KIRREL3: variants seen among roughly 807,000 people sequenced by gnomAD.
KIRREL3 encodes kirre like nephrin family adhesion molecule 3.
KIRREL3 carries 36 observed loss-of-function variants against 89.7 expected under a neutral mutation model. That is an observed-to-expected ratio of 0.40 (90% CI 0.31 to 0.53). KIRREL3 has a LOEUF of 0.53. Among genes scored for constraint, KIRREL3 ranks in the 20% least tolerant of loss-of-function variants. The pLI, the probability that KIRREL3 is intolerant of heterozygous loss-of-function variation, is 0.49. For missense variants in KIRREL3, 864 were observed against 1,056.6 expected, an observed-to-expected ratio of 0.82 and a Z score of 2.53; for synonymous variants, 445 against 441.4, an observed-to-expected ratio of 1.01 and a Z score of -0.10.
rs1218977027 is a variant in KIRREL3, at chr11:126,682,017, A to C, written c.56-119105T>G. On this transcript the variant is annotated intron_variant, in intron 1 of 16. Coordinates refer to ENST00000525144, the MANE Select transcript of KIRREL3 (RefSeq NM_032531.4). This position sits in a 1 kb window ranked among gnomAD's most constrained non-coding sequence, Gnocchi z 4.8. ...TCAGGAGACCAGATGTCAAGACTGG[A>C]CTACATCTTTATATTCATTTCCAGA... The C allele has an allele frequency of 2.7e-6, 1 of 373,236 alleles. No individual in the cohort carries two copies. The highest frequency in any genetic ancestry group is 3.4e-5 in the Admixed American group (1 of 29,294). 23.1% of individuals were successfully genotyped at this position (373,236 alleles called of 1,614,324 possible).
chr11:126,463,248 A>C lies in KIRREL3; in HGVS notation c.651T>G (p.Gly217=). 2 of 1,613,840 alleles carry C rather than the reference A, an allele frequency of 1.2e-6. No individual in the cohort carries two copies. Among genetic ancestry groups the C allele is most frequent in the Non-Finnish European group, 1.7e-6 (2 of 1,179,802 alleles). Residue 217 remains glycine, a synonymous_variant, in exon 6 of 17, where the codon GGT becomes GGG. Coordinates refer to ENST00000525144, the MANE Select transcript of KIRREL3 (RefSeq NM_032531.4). The surrounding 1 kb of genome is among the most constrained non-coding windows in gnomAD (Gnocchi z 5.9). ...SIVSTLFISP[G]DVENGQSIVC... ...CGATGCTCTGGCCATTCTCCACGTCACCAGGGGAGATGAAGAGGGTGCTGA... is the reference window on the plus strand; with the variant it reads ...CGATGCTCTGGCCATTCTCCACGTCCCCAGGGGAGATGAAGAGGGTGCTGA...
chr11:126,692,974 G>A (rs1364857546), intron 1 of KIRREL3, among the ~76,000 whole-genome samples: 1 of 152,220 alleles, frequency 6.6e-6, no homozygotes, highest in Non-Finnish European at 1.5e-5. Flanking sequence ...TGGTGGAAGC[G>A]AGGCTGTGCT....
chr11:126,592,265 G>T (rs964173824), intron 1 of KIRREL3, among the ~76,000 whole-genome samples: 1 of 152,104 alleles, frequency 6.6e-6, no homozygotes, highest in Non-Finnish European at 1.5e-5. Flanking sequence ...AGGTATCATT[G>T]TTCCCTTTAT....
At chr11:126,951,620 C>T (rs1299136320) in intron 1 of KIRREL3, among the ~76,000 whole-genome samples, 1 of 152,116 alleles carries the variant, frequency 6.6e-6, no homozygotes, top group African/African-American at 2.4e-5. Context: ...GGCTGAGGCC[C>T]CAATGAGAAA....
intron 1 of KIRREL3, among the ~76,000 whole-genome samples, chr11:126,672,491 G>A (rs1945999950): frequency 6.6e-6 from 1 of 152,172 alleles, no homozygotes; most frequent in South Asian, 2.1e-4. Context: ...CATATTGAAT[G>A]ATTCCATTTA....
At chr11:126,437,981 CCCACA>C (rs1160710351) in intron 11 of KIRREL3, among the ~76,000 whole-genome samples, 3 of 152,212 alleles carry the variant, frequency 2.0e-5, no homozygotes, top group Non-Finnish European at 2.9e-5. Flanking sequence ...CGGTAACACA[CCCACA>C]CCACACATGT....
Position 126,744,955 on chromosome 11 carries a change from T to A in KIRREL3, c.56-182043A>T, listed in dbSNP as rs1949096352. On this transcript the variant is annotated intron_variant, in intron 1 of 16. Coordinates refer to ENST00000525144, the MANE Select transcript of KIRREL3 (RefSeq NM_032531.4). This position sits in a 1 kb window ranked among gnomAD's most constrained non-coding sequence, Gnocchi z 4.7. ...GAAGTTGACTCACTTTCAGACACAT[T>A]AGGTTGGAGGTGATGCGAACTGTCT... is the stretch of plus-strand genomic sequence containing the variant. Among the ~76,000 whole-genome samples the A allele has an allele frequency of 3.9e-5, 6 of 151,946 alleles. No individual in the cohort carries two copies. The highest frequency in any genetic ancestry group is 3.9e-4 in the Admixed American group (6 of 15,278).
rs1040502550 is a variant in KIRREL3 at position 126,651,670 on chromosome 11, A to C, written c.56-88758T>G. 6.6e-6 allele frequency among the ~76,000 whole-genome samples: 1 copy of C among 152,232 alleles called. No individual in the cohort carries two copies. The highest frequency in any genetic ancestry group is 1.5e-5 in the Non-Finnish European group (1 of 68,038). ...ATTTGTGGGTATTATGGAGATATTA[A>C]TTCCATATGAAACCTCACAATTCAT... is the stretch of plus-strand genomic sequence containing the variant. On this transcript the variant is annotated intron_variant, in intron 1 of 16. Coordinates refer to ENST00000525144, the MANE Select transcript of KIRREL3 (RefSeq NM_032531.4). This position sits in a 1 kb window ranked among gnomAD's most constrained non-coding sequence, Gnocchi z 4.6.
chr11:126,570,828 C>A lies in KIRREL3; in HGVS notation c.56-7916G>T, dbSNP rs937910151. Among the ~76,000 whole-genome samples, 1 of 152,202 alleles carries A rather than the reference C, an allele frequency of 6.6e-6. No homozygotes were observed. The highest frequency in any genetic ancestry group is 1.9e-4 in the East Asian group (1 of 5,200). The stretch of plus-strand genomic sequence containing the variant: ...TCTACATGCCCATGTGGTCATCTAT[C>A]CTTCGGCTTCTCCAAATCTCTGCTC... On this transcript the variant is annotated intron_variant, in intron 1 of 16. Coordinates refer to ENST00000525144, the MANE Select transcript of KIRREL3 (RefSeq NM_032531.4). The surrounding 1 kb of genome is among the most constrained non-coding windows in gnomAD (Gnocchi z 6.1).
rs528641246 is a variant in KIRREL3 at position 126,871,051 on chromosome 11, G to A, written c.55+129404C>T. Among the ~76,000 whole-genome samples the A allele has an allele frequency of 8.3e-4, 127 of 152,290 alleles. 1 individual carries two copies. Among genetic ancestry groups the A allele is most frequent in the African/African-American group, 2.7e-3 (113 of 41,572 alleles). On this transcript the variant is annotated intron_variant, in intron 1 of 16. Transcript: ENST00000525144. ...AGGAGCAGACATCAAGAGCATCCAC[G>A]GAGCCTCTTTTGATGAAAGGAGCAG...
rs547535353 is a variant in KIRREL3, at chr11:126,557,742, C to T, written c.133+5093G>A. 1.3e-5 allele frequency among the ~76,000 whole-genome samples: 2 copies of T among 152,334 alleles called. No homozygotes were observed. The highest frequency in any genetic ancestry group is 4.1e-4 in the South Asian group (2 of 4,820). ...ATGAGATTCTCAACCTCCCAGGGCT[C>T]TGACTCCCCTGTAAGGCTGGGAAGT... On this transcript the variant is annotated intron_variant, in intron 2 of 16. Transcript: ENST00000525144. The surrounding 1 kb of genome is among the most constrained non-coding windows in gnomAD (Gnocchi z 5.6).
intron 1 of KIRREL3, among the ~76,000 whole-genome samples, chr11:126,603,057 C>T (rs1026091796): frequency 6.6e-6 from 1 of 152,106 alleles, no homozygotes; most frequent in Non-Finnish European, 1.5e-5. Context: ...CCAAGTTCAC[C>T]CACCGTCACC....
At chr11:126,711,255 C>T (rs1369539730) in intron 1 of KIRREL3, among the ~76,000 whole-genome samples, 9 of 152,184 alleles carry the variant, frequency 5.9e-5, no homozygotes, top group Non-Finnish European at 8.8e-5. Context: ...AGCACATAAC[C>T]GCCTAAGTTT....
In KIRREL3 at chr11:126,508,717, G is replaced by A. The variant is rs528611199; in HGVS notation, c.433+12598C>T. The stretch of plus-strand genomic sequence containing the variant: ...CAGAAGCGACTGCATTCAGATTCTC[G>A]TTCTTTACCTTTCTTGTGTGTGACC... On this transcript the variant is annotated intron_variant, in intron 4 of 16. Transcript: ENST00000525144. This position sits in a 1 kb window ranked among gnomAD's most constrained non-coding sequence, Gnocchi z 4.9. Among the ~76,000 whole-genome samples the A allele has an allele frequency of 3.9e-5, 6 of 152,258 alleles. No homozygotes were observed. Among genetic ancestry groups the A allele is most frequent in the East Asian group, 3.9e-4 (2 of 5,184 alleles).
intron 1 of KIRREL3, among the ~76,000 whole-genome samples, chr11:126,825,293 A>G (rs998004499): frequency 1.3e-5 from 2 of 152,192 alleles, no homozygotes; most frequent in Non-Finnish European, 2.9e-5. Flanking sequence ...TGGTGACGCT[A>G]TGACCCCCTT....
At chr11:126,629,424 A>G (rs1390002879) in intron 1 of KIRREL3, among the ~76,000 whole-genome samples, 1 of 152,086 alleles carries the variant, frequency 6.6e-6, no homozygotes, top group African/African-American at 2.4e-5. Flanking sequence ...TCTGGGCCAA[A>G]GGGGTGTTTT....
At chr11:126,833,680 T>C (rs1943685295) in intron 1 of KIRREL3, among the ~76,000 whole-genome samples, 1 of 152,240 alleles carries the variant, frequency 6.6e-6, no homozygotes, top group Non-Finnish European at 1.5e-5. Context: ...CCCCGAGTGC[T>C]GCATGTCTCC....
chr11:126,859,715 TC>T (rs770079812), intron 1 of KIRREL3, among the ~76,000 whole-genome samples: 2 of 152,146 alleles, frequency 1.3e-5, no homozygotes, highest in Non-Finnish European at 2.9e-5. Context: ...AATAAGTTTC[TC>T]CCCAAGGTTT....
intron 1 of KIRREL3, among the ~76,000 whole-genome samples, chr11:126,963,341 A>G (rs1223056309): frequency 1.3e-5 from 2 of 151,962 alleles, no homozygotes; most frequent in Admixed American, 6.6e-5. Flanking sequence ...ACACAGACAC[A>G]CACACAGACA....
Sources: allele counts gnomAD v4.1 joint callset (sites outside exome capture counted in the v4.1 genomes callset), GRCh38; gene constraint gnomAD v4.1.1; non-coding constraint Gnocchi (gnomAD v3.1); transcripts MANE v1.5; gene names NCBI Gene and HGNC (gene_info 2026-07-23, HGNC 2026-07-21).